Variants in AGBL1 observed in about 807,000 individuals in gnomAD.
AGBL1 encodes AGBL carboxypeptidase 1.
AGBL1 carries 130 observed loss-of-function variants against 118.9 expected under a neutral mutation model. That is an observed-to-expected ratio of 1.09 (90% confidence interval 0.95 to 1.26). The LOEUF is 1.26. Ranked by LOEUF, AGBL1 falls within the 50% of genes most tolerant of loss-of-function variation. The pLI is 0.00. For missense variants in AGBL1, 1,584 were observed against 1,298.1 expected, an observed-to-expected ratio of 1.22 and a Z score of -3.38; for synonymous variants, 555 against 478.9, an observed-to-expected ratio of 1.16 and a Z score of -2.08.
intron 22 of AGBL1, among the ~76,000 whole-genome samples, chr15:86,892,978 C>T (rs1346601142): frequency 1.3e-5 from 2 of 152,122 alleles, no homozygotes; most frequent in African/African-American, 2.4e-5. Context: ...TGGAGCACAG[C>T]GTTCACACAG....
chr15:86,416,105 G>GAAAT (rs1376392302), intron 18 of AGBL1, among the ~76,000 whole-genome samples: 1 of 152,056 alleles, frequency 6.6e-6, no homozygotes, highest in Non-Finnish European at 1.5e-5. Flanking sequence ...TACCCCCTCA[G>GAAAT]ACAGTTCATG....
At chr15:86,976,026 AT>A (rs1379041651) in intron 23 of AGBL1, among the ~76,000 whole-genome samples, 2 of 152,132 alleles carry the variant, frequency 1.3e-5, no homozygotes, top group African/African-American at 4.8e-5. Flanking sequence ...AAGCAAAAAA[AT>A]CATATACTTT....
At chr15:86,629,401 A>C (rs1234693383) in intron 21 of AGBL1, among the ~76,000 whole-genome samples, 1 of 152,194 alleles carries the variant, frequency 6.6e-6, no homozygotes, top group African/African-American at 2.4e-5. Flanking sequence ...CATGAGTCTT[A>C]TGATTATCTG....
chr15:86,817,222 G>T (rs929001175), intron 22 of AGBL1, among the ~76,000 whole-genome samples: 5 of 151,408 alleles, frequency 3.3e-5, no homozygotes, highest in African/African-American at 1.2e-4. Flanking sequence ...ATCTCAGAAG[G>T]CGGAGGTTGC....
At chr15:86,718,071 C>G (rs762284961) in intron 22 of AGBL1, among the ~76,000 whole-genome samples, 3 of 152,056 alleles carry the variant, frequency 2.0e-5, no homozygotes, top group South Asian at 4.1e-4. Flanking sequence ...GGCAATGGAG[C>G]AGGACCCCAT....
At chr15:86,783,124 A>G (rs1180561592) in intron 22 of AGBL1, among the ~76,000 whole-genome samples, 1 of 152,198 alleles carries the variant, frequency 6.6e-6, no homozygotes, top group African/African-American at 2.4e-5. Context: ...AGTTGTTATA[A>G]GAAGTTATTC....
At position 86,444,969 on chromosome 15, in the gene AGBL1, T is replaced by G. The variant is rs562232421; in HGVS notation, c.2555+47423T>G. Among the ~76,000 whole-genome samples, 16 of 152,326 alleles carry G rather than the reference T, an allele frequency of 1.1e-4. No homozygotes were observed. The South Asian group carries it at 3.3e-3, about 32-fold the overall frequency. On this transcript the variant is annotated intron_variant, in intron 18 of 22. Coordinates refer to ENST00000614907, the MANE Select transcript of AGBL1 (RefSeq NM_001386094.1). ...AATTGAGATACATTAGATTGCAAAT[T>G]TAAGATTTTAATTATCTGGTGGGGT...
intron 1 of AGBL1, among the ~76,000 whole-genome samples, chr15:86,106,143 A>G (rs184620930): frequency 6.8e-4 from 104 of 152,328 alleles, no homozygotes; most frequent in Non-Finnish European, 1.1e-3. Flanking sequence ...GATATAACCT[A>G]GTATGCTGTT....
intron 22 of AGBL1, among the ~76,000 whole-genome samples, chr15:86,677,909 C>T (rs1299527450): frequency 2.6e-5 from 4 of 152,096 alleles, no homozygotes; most frequent in African/African-American, 9.7e-5. Flanking sequence ...ACAAAAGCGC[C>T]CCTATCCCTG....
chr15:86,858,152 T>A (rs946017467), intron 22 of AGBL1, among the ~76,000 whole-genome samples: 1 of 152,012 alleles, frequency 6.6e-6, no homozygotes, highest in Admixed American at 6.6e-5. Flanking sequence ...AGATTCAACA[T>A]ACACCTCCTG....
chr15:86,881,853 A>G (rs1348918187), intron 22 of AGBL1, among the ~76,000 whole-genome samples: 1 of 152,124 alleles, frequency 6.6e-6, no homozygotes, highest in Non-Finnish European at 1.5e-5. Context: ...CTAGGCTTAC[A>G]TACTTTTAAA....
At chr15:86,985,106 G>A (rs2081268519) in intron 23 of AGBL1, among the ~76,000 whole-genome samples, 1 of 152,190 alleles carries the variant, frequency 6.6e-6, no homozygotes. Context: ...AGTACATTGT[G>A]TAGATATGCT....
rs777544442 is a variant in AGBL1, at chr15:86,909,707, G to T, written c.*2413G>T. The T allele has an allele frequency of 6.6e-6, 1 of 152,158 alleles. No individual in the cohort carries two copies. Among genetic ancestry groups the T allele is most frequent in the Non-Finnish European group, 1.5e-5 (1 of 68,038 alleles). The allele number at this position is 152,158 out of a possible 1,614,324, so 9.4% of individuals were successfully genotyped here. On this transcript the variant is annotated 3_prime_UTR_variant, in exon 23 of 23. Coordinates refer to ENST00000614907, the MANE Select transcript of AGBL1 (RefSeq NM_001386094.1). ...CTCTTAAATAAAGGCTAGCATAATG[G>T]TGCTGATTTCTCTTTGCTTTGAGGA...
chr15:86,157,825 G>T (rs970465050), intron 4 of AGBL1, among the ~76,000 whole-genome samples: 1 of 152,176 alleles, frequency 6.6e-6, no homozygotes, highest in Non-Finnish European at 1.5e-5. Flanking sequence ...TGGCCAATGA[G>T]GATGTTCACA....
intron 22 of AGBL1, among the ~76,000 whole-genome samples, chr15:86,883,732 A>AT (rs895232257): frequency 7.9e-5 from 12 of 152,034 alleles, no homozygotes; most frequent in Non-Finnish European, 1.5e-4. Context: ...TCCTTCTTCC[A>AT]TTTTTTTTCT....
At chr15:86,881,145 G>A (rs1265278594) in intron 22 of AGBL1, among the ~76,000 whole-genome samples, 1 of 152,200 alleles carries the variant, frequency 6.6e-6, no homozygotes, top group Non-Finnish European at 1.5e-5. Flanking sequence ...AACATGGGGA[G>A]TCTAGGTTTT....
In AGBL1 at chr15:86,546,072, C is replaced by T. The variant is rs1430235080; in HGVS notation, c.2756C>T (p.Thr919Ile). 1.2e-6 allele frequency: 2 copies of T among 1,613,390 alleles called. No individual in the cohort carries two copies. Among genetic ancestry groups the T allele is most frequent in the African/African-American group, 1.3e-5 (1 of 75,014 alleles). The change falls in exon 20 of 23, where the codon ACC becomes ATC. Residue 919 changes from threonine to isoleucine, a missense_variant. Transcript: ENST00000614907. ...VFLYGCSIKE[T>I]LWQAACTVGT... ...CTTTATGGCTGTAGCATCAAGGAAA[C>T]CTTGTGGCAAGCAGCATGCACTGTG...
intron 23 of AGBL1, among the ~76,000 whole-genome samples, chr15:86,978,154 T>C (rs1193311045): frequency 6.6e-6 from 1 of 152,174 alleles, no homozygotes; most frequent in East Asian, 1.9e-4. Flanking sequence ...CTATTGTCTG[T>C]TAACCTTACA....
rs781564397 is a variant in AGBL1 at position 86,944,416 on chromosome 15, A to G, written c.3222-43571A>G. Among the ~76,000 whole-genome samples, 120 of 152,268 alleles carry G rather than the reference A, an allele frequency of 7.9e-4. 1 individual carries two copies. The highest frequency in any genetic ancestry group is 6.8e-3 in the Middle Eastern group (2 of 294). ...ATAATAATGAGGGCAGGCATGTTTCAGGATGGCCGACCAGCATGTGCAGGG... is the reference window on the plus strand; with the variant it reads ...ATAATAATGAGGGCAGGCATGTTTCGGGATGGCCGACCAGCATGTGCAGGG... On this transcript the variant is annotated intron_variant, in intron 23 of 24. Transcript: ENST00000441037.
Sources: allele counts gnomAD v4.1 joint callset (sites outside exome capture counted in the v4.1 genomes callset), GRCh38; gene constraint gnomAD v4.1.1; transcripts MANE v1.5; gene names NCBI Gene and HGNC (gene_info 2026-07-23, HGNC 2026-07-21).